Variants in ACAD11 observed in about 807,000 individuals in gnomAD.
ACAD11 encodes acyl-CoA dehydrogenase family member 11.
In ACAD11, 83 loss-of-function variants were observed where a neutral mutation model predicts 102.2. The ratio of observed to expected loss-of-function variants is 0.81; its 90% CI spans 0.68 to 0.97. ACAD11 has a LOEUF of 0.97. ACAD11 is among the 50% of genes least tolerant of loss of function. The pLI, the probability that ACAD11 is intolerant of heterozygous loss-of-function variation, is 0.00. For missense variants in ACAD11, 901 were observed against 951.7 expected (o/e 0.95, Z 0.70); for synonymous variants, 324 against 319.8 (o/e 1.01, Z -0.14).
intron 17 of ACAD11, among the ~76,000 whole-genome samples, chr3:132,573,346 T>C (rs1326553827): frequency 6.6e-6 from 1 of 152,208 alleles, no homozygotes; most frequent in Non-Finnish European, 1.5e-5. Flanking sequence ...GTATAAAATA[T>C]GCACCCCATA....
Position 132,630,482 on chromosome 3 carries a change from A to G in ACAD11, c.918T>C (p.Asn306=), listed in dbSNP as rs774278985. 1.2e-6 allele frequency: 2 copies of G among 1,613,344 alleles called. No homozygotes were observed. Among genetic ancestry groups the G allele is most frequent in the African/African-American group, 1.3e-5 (1 of 75,022 alleles). ...RGINSILPNW[N]FFLALSYFKM... is the part of the protein sequence containing the mutation. Reference sequence around the variant, plus strand: ...TAAAATATGAAAGGGCAAGAAAGAAATTCCAGTTAGGAAGAATAGAATTAA... The same window carrying G: ...TAAAATATGAAAGGGCAAGAAAGAAGTTCCAGTTAGGAAGAATAGAATTAA... The change falls in exon 7 of 20, where the codon AAT becomes AAC. Residue 306 remains asparagine (N), a synonymous_variant. Transcript: ENST00000264990.
At chr3:132,579,210 GA>G (rs1937564611) in intron 14 of ACAD11, 2 of 712,754 alleles carry the variant, frequency 2.8e-6, no homozygotes, top group East Asian at 3.5e-5. Flanking sequence ...ACACAGGTCT[GA>G]AAAAATTTGT....
intron 16 of ACAD11, 29 bp from the exon 17 acceptor site, chr3:132,575,955 A>C: frequency 1.9e-6 from 3 of 1,612,264 alleles, no homozygotes; most frequent in East Asian, 4.5e-5. Flanking sequence ...AAAAGGGGGA[A>C]TGTGAAAATG....
At chr3:132,646,970 T>C (rs980360516) in intron 1 of ACAD11, among the ~76,000 whole-genome samples, 7 of 152,252 alleles carry the variant, frequency 4.6e-5, no homozygotes, top group African/African-American at 1.7e-4. Context: ...GAGGTTTCTT[T>C]GGGGGCGATG....
chr3:132,582,047 G>A (rs918887157), intron 13 of ACAD11, among the ~76,000 whole-genome samples: 7 of 151,922 alleles, frequency 4.6e-5, no homozygotes, highest in Non-Finnish European at 5.9e-5. Context: ...AAAGGGTTAA[G>A]AGTATACATA....
chr3:132,634,167 G>A (rs1940171561), intron 5 of ACAD11, among the ~76,000 whole-genome samples: 1 of 152,146 alleles, frequency 6.6e-6, no homozygotes, highest in African/African-American at 2.4e-5. Flanking sequence ...CTGACAAAGG[G>A]CTAATATCCA....
intron 17 of ACAD11, among the ~76,000 whole-genome samples, chr3:132,563,862 T>TG (rs1937137192): frequency 6.6e-6 from 1 of 152,208 alleles, no homozygotes; most frequent in Admixed American, 6.5e-5. Context: ...TTTCCAGTTT[T>TG]GGGGGAAAAG....
At chr3:132,580,504 G>C (rs542263614) in intron 13 of ACAD11, among the ~76,000 whole-genome samples, 1 of 152,108 alleles carries the variant, frequency 6.6e-6, no homozygotes, top group South Asian at 2.1e-4. Flanking sequence ...CCTAAAAGGC[G>C]TATCAACCAA....
At chr3:132,580,282 G>T (rs371610885) in intron 13 of ACAD11, among the ~76,000 whole-genome samples, 32 of 152,184 alleles carry the variant, frequency 2.1e-4, no homozygotes, top group African/African-American at 6.3e-4. Context: ...TGTTAGGAAT[G>T]ATGTCAAATA....
intron 17 of ACAD11, among the ~76,000 whole-genome samples, chr3:132,567,382 A>T (rs1484114559): frequency 6.6e-6 from 1 of 152,216 alleles, no homozygotes; most frequent in East Asian, 1.9e-4. Flanking sequence ...ATAGACTTTA[A>T]TAAGATCTAG....
chr3:132,588,063 C>T (rs1332744074), intron 13 of ACAD11, among the ~76,000 whole-genome samples: 1 of 152,136 alleles, frequency 6.6e-6, no homozygotes, highest in Non-Finnish European at 1.5e-5. Context: ...TTTCCTGTTC[C>T]ACACTGTTTC....
intron 11 of ACAD11, among the ~76,000 whole-genome samples, chr3:132,613,668 G>A (rs1939268367): frequency 6.6e-6 from 1 of 152,066 alleles, no homozygotes; most frequent in Admixed American, 6.5e-5. Flanking sequence ...GGATGCCAAG[G>A]TGGATGGATC....
intron 11 of ACAD11, among the ~76,000 whole-genome samples, chr3:132,606,139 G>A (rs1407414987): frequency 2.6e-5 from 4 of 152,080 alleles, no homozygotes. Context: ...AAGATTTTGA[G>A]AAAACAATTT....
At chr3:132,623,796 T>C (rs1354072670) in intron 9 of ACAD11, among the ~76,000 whole-genome samples, 1 of 152,228 alleles carries the variant, frequency 6.6e-6, no homozygotes. Flanking sequence ...GTTTCTCTTA[T>C]ATGCTTATTC....
chr3:132,581,669 TGC>T (rs1221236851), intron 13 of ACAD11, among the ~76,000 whole-genome samples: 1 of 151,998 alleles, frequency 6.6e-6, no homozygotes, highest in East Asian at 1.9e-4. Context: ...AATGTTGAAA[TGC>T]ACAAGTGAAC....
At chr3:132,657,626 G>T (rs186813913) in intron 1 of ACAD11, among the ~76,000 whole-genome samples, 2 of 151,934 alleles carry the variant, frequency 1.3e-5, no homozygotes, top group Non-Finnish European at 2.9e-5. Flanking sequence ...CTCTACAAAG[G>T]TATTGCACAT....
chr3:132,630,652 T>C (rs1485080880), intron 6 of ACAD11, 94 bp from the exon 7 acceptor site: 3 of 1,104,546 alleles, frequency 2.7e-6, no homozygotes, highest in Admixed American at 2.6e-5. Flanking sequence ...TAAAACGGAA[T>C]GTAATAACCA....
intron 13 of ACAD11, among the ~76,000 whole-genome samples, chr3:132,583,845 T>C (rs142909058): frequency 2.0e-5 from 3 of 152,338 alleles, no homozygotes; most frequent in East Asian, 1.9e-4. Context: ...TCAGTTTCCA[T>C]GTAGTTGAGC....
Position 132,630,542 on chromosome 3 carries a change from T to G in ACAD11, c.858A>C (p.Glu286Asp), listed in dbSNP as rs1317043196. 6.2e-7 allele frequency: 1 copy of G among 1,610,318 alleles called. No individual in the cohort carries two copies. Among genetic ancestry groups the G allele is most frequent in the Admixed American group, 1.7e-5 (1 of 59,418 alleles). ...AGCGGCAATATATTGAAATCAGTTC[T>G]TCCATTGATGGTATCCCTATAAAAA... ...YSENSGIPSMEELISIYCRCR... is the reference protein window; with the variant it reads ...YSENSGIPSMDELISIYCRCR... Residue 286 changes from glutamate (E) to aspartate (D), a missense_variant, in exon 7 of 20, where the codon GAA (glutamate) becomes GAC (aspartate). Transcript: ENST00000264990.
Sources: gnomAD v4.1 joint callset for allele counts (sites outside exome capture counted in the v4.1 genomes callset) on GRCh38, gnomAD v4.1.1 for gene constraint, MANE v1.5 for transcripts, NCBI Gene and HGNC (gene_info 2026-07-23, HGNC 2026-07-21) for gene names.